The following CACNA1H variants were observed in gnomAD, a reference collection of about 807,000 sequenced individuals.
CACNA1H encodes the protein calcium voltage-gated channel subunit alpha1 H.
A neutral mutation model predicts 192.5 loss-of-function variants in CACNA1H; 149 were observed. The ratio of observed to expected loss-of-function variants is 0.77; its 90% confidence interval spans 0.68 to 0.89. The LOEUF (loss-of-function observed/expected upper bound fraction) is 0.89. Among genes scored for constraint, CACNA1H ranks in the 40% least tolerant of loss-of-function variants. CACNA1H has a pLI of 0.00. For synonymous variants in CACNA1H, 2,202 were observed against 1,475.2 expected (o/e 1.49, Z -11.29); for missense variants, 4,257 against 3,423.5 (o/e 1.24, Z -6.08).
chr16:1,207,242 G>A, intron 13 of CACNA1H, 33 bp from the exon 14 acceptor site: 1 of 1,579,696 alleles, frequency 6.3e-7, no homozygotes, highest in Non-Finnish European at 8.6e-7. Context: ...TCGGGGCTGG[G>A]GTGACCACCC....
chr16:1,186,290 C>T (rs1194762221), intron 2 of CACNA1H, among the ~76,000 whole-genome samples: 1 of 151,972 alleles, frequency 6.6e-6, no homozygotes, highest in Non-Finnish European at 1.5e-5. Context: ...CTCGAGGTGT[C>T]CCAGTGGGGC....
Position 1,210,631 on chromosome 16 carries a change from G to T in CACNA1H, c.4018G>T (p.Val1340Leu). 3 of 1,605,746 alleles carry T rather than the reference G, an allele frequency of 1.9e-6. No individual in the cohort carries two copies. Among genetic ancestry groups the T allele is most frequent in the Non-Finnish European group, 2.5e-6 (3 of 1,179,748 alleles). The change falls in exon 20 of 35, where the codon GTG (valine) becomes TTG (leucine). Residue 1340 changes from valine (V) to leucine (L), a missense_variant. Physicochemically the swap from Val to Leu is conservative, Grantham distance 32. Transcript: ENST00000348261. ...VSNYIFTAIF[V>L]AEMMVKVVAL... ...CAATTACATCTTCACGGCCATCTTC[G>T]TGGCGGAGATGATGGTGAAGGTACC...
intron 2 of CACNA1H, among the ~76,000 whole-genome samples, chr16:1,182,924 G>A (rs951985680): frequency 2.6e-5 from 4 of 152,036 alleles, no homozygotes; most frequent in African/African-American, 4.8e-5. Context: ...GTCAGGAGTC[G>A]GCCACAGGGT....
rs755534225 is a variant in CACNA1H at position 1,212,508 on chromosome 16, C to T, written c.4760-3C>T. On this transcript the variant is annotated splice_region_variant and splice_polypyrimidine_tract_variant and intron_variant, in intron 25 of 34. Transcript: ENST00000348261. The stretch of plus-strand genomic sequence containing the variant: ...CCCTCAGACCATCTCCTTGTCTTTC[C>T]AGGCACTTTCCCCAGCCCAGGTACC... 3 of 1,610,970 alleles carry T rather than the reference C, an allele frequency of 1.9e-6. No individual in the cohort carries two copies. Among genetic ancestry groups the T allele is most frequent in the Non-Finnish European group, 2.5e-6 (3 of 1,179,110 alleles).
In CACNA1H at chr16:1,167,916, G is replaced by A. The variant is rs1050037879; in HGVS notation, c.299+13880G>A. ...CAGTAAGCACTCGCCCCACCAGTGCGTGGAGCACGTGGGGCCTCAGGAGCC... is the reference window on the plus strand; with the variant it reads ...CAGTAAGCACTCGCCCCACCAGTGCATGGAGCACGTGGGGCCTCAGGAGCC... On this transcript the variant is annotated intron_variant, in intron 2 of 34. Transcript: ENST00000348261. This position sits in a 1 kb window ranked among gnomAD's most constrained non-coding sequence, Gnocchi z 4.2. Among the ~76,000 whole-genome samples the A allele has an allele frequency of 1.1e-4, 16 of 152,228 alleles. No homozygotes were observed. The highest frequency in any genetic ancestry group is 2.1e-4 in the South Asian group (1 of 4,836).
chr16:1,185,510 C>A (rs913004674), intron 2 of CACNA1H, among the ~76,000 whole-genome samples: 2 of 143,886 alleles, frequency 1.4e-5, no homozygotes, highest in East Asian at 4.1e-4. Flanking sequence ...GTCCCCCCCC[C>A]CGCCGAGTCT....
Position 1,215,506 on chromosome 16 carries a change from T to C in CACNA1H, c.5174-17T>C. 4 of 1,609,654 alleles carry C rather than the reference T, an allele frequency of 2.5e-6. No individual in the cohort carries two copies. Among genetic ancestry groups the C allele is most frequent in the Non-Finnish European group, 3.4e-6 (4 of 1,178,766 alleles). On this transcript the variant is annotated splice_polypyrimidine_tract_variant and intron_variant, in intron 29 of 34. Coordinates refer to ENST00000348261, the MANE Select transcript of CACNA1H (RefSeq NM_021098.3). ...AGGGTCCGCCCAGCCCTGCTGACGC[T>C]CAGCTCCCGGCCCTAGTGCTGAAGC...
intron 18 of CACNA1H, 99 bp from the exon 19 acceptor site, chr16:1,210,271 G>A (rs1969270436): frequency 1.6e-6 from 2 of 1,262,028 alleles, no homozygotes; most frequent in Admixed American, 2.0e-5. Context: ...CAGGGACCGG[G>A]GCTGAAGTGG....
At chr16:1,187,136 C>T (rs1475803476) in intron 2 of CACNA1H, among the ~76,000 whole-genome samples, 2 of 152,258 alleles carry the variant, frequency 1.3e-5, no homozygotes, top group African/African-American at 2.4e-5. Context: ...CCGGTGAATA[C>T]ACATAGGTCG....
rs762240161 is a variant in CACNA1H at position 1,205,102 on chromosome 16, C to T, written c.2452-12C>T. 8 of 1,608,386 alleles carry T rather than the reference C, an allele frequency of 5.0e-6. No individual in the cohort carries two copies. The highest frequency in any genetic ancestry group is 2.2e-5 in the South Asian group (2 of 90,748). Reference sequence around the variant, plus strand: ...GTGCGGCCTCCTGAACTGTCCCCACCTCTGCCTGCAGCCCGAGGAGCTGAC... The same window carrying T: ...GTGCGGCCTCCTGAACTGTCCCCACTTCTGCCTGCAGCCCGAGGAGCTGAC... On this transcript the variant is annotated splice_polypyrimidine_tract_variant and intron_variant, in intron 10 of 34. Transcript: ENST00000348261.
At chr16:1,181,405 C>T (rs909786715) in intron 2 of CACNA1H, among the ~76,000 whole-genome samples, 4 of 152,234 alleles carry the variant, frequency 2.6e-5, no homozygotes, top group Non-Finnish European at 4.4e-5. Context: ...CTTTGACGCC[C>T]GCGTCGGCCA....
chr16:1,162,387 G>A (rs1215008459), intron 2 of CACNA1H, among the ~76,000 whole-genome samples: 3 of 152,136 alleles, frequency 2.0e-5, no homozygotes, highest in East Asian at 1.9e-4. Context: ...CCCCCGGAGG[G>A]AGAAAAATGG....
At chr16:1,185,423 C>T (rs1333129968) in intron 2 of CACNA1H, among the ~76,000 whole-genome samples, 3 of 151,640 alleles carry the variant, frequency 2.0e-5, no homozygotes, top group East Asian at 1.9e-4. Flanking sequence ...GCCCGGGTGG[C>T]AGCTGGACTC....
At chr16:1,191,861 C>T (rs1291650989) in intron 2 of CACNA1H, among the ~76,000 whole-genome samples, 1 of 148,620 alleles carries the variant, frequency 6.7e-6, no homozygotes, top group Non-Finnish European at 1.5e-5. Context: ...CAGGCACACT[C>T]AGGGTTTTGG....
intron 2 of CACNA1H, among the ~76,000 whole-genome samples, chr16:1,183,525 G>A (rs763046498): frequency 1.6e-4 from 24 of 152,192 alleles, no homozygotes; most frequent in Non-Finnish European, 2.8e-4. Flanking sequence ...ATCCTGGATC[G>A]TGTGGCTGCC....
chr16:1,192,633 C>G (rs1966722738), intron 2 of CACNA1H, among the ~76,000 whole-genome samples: 1 of 152,168 alleles, frequency 6.6e-6, no homozygotes, highest in African/African-American at 2.4e-5. Context: ...TGGCTGGGGG[C>G]CAGCTGGGGT....
chr16:1,156,444 G>T (rs150559640), intron 2 of CACNA1H, among the ~76,000 whole-genome samples: 34 of 152,348 alleles, frequency 2.2e-4, no homozygotes, highest in African/African-American at 8.2e-4. Context: ...GGGGGGATTG[G>T]CTGAGCCGGG....
chr16:1,153,934 A>T lies in CACNA1H; in HGVS notation c.197A>T (p.Glu66Val). 6.9e-7 allele frequency: 1 copy of T among 1,456,170 alleles called. No individual in the cohort carries two copies. Among genetic ancestry groups the T allele is most frequent in the Non-Finnish European group, 9.0e-7 (1 of 1,104,984 alleles). 90.2% of individuals were successfully genotyped at this position (1,456,170 alleles called of 1,614,324 possible). ...AERGAELGAD[E>V]EQRVPYPALA... ...CGCGGCGCGGAGCTGGGTGCCGACG[A>T]GGAGCAGCGCGTCCCGTACCCGGCC... Residue 66 changes from glutamate to valine, a missense_variant, in exon 2 of 35, where the codon GAG (glutamate) becomes GTG (valine). Physicochemically the swap from Glu to Val is moderately radical, Grantham distance 121. Coordinates refer to ENST00000348261, the MANE Select transcript of CACNA1H (RefSeq NM_021098.3).
chr16:1,177,956 G>A (rs373504721), intron 2 of CACNA1H, among the ~76,000 whole-genome samples: 1 of 151,432 alleles, frequency 6.6e-6, no homozygotes, highest in African/African-American at 2.4e-5. Context: ...TGCGGGCACC[G>A]CCCTTTCTCC....
Sources: gnomAD v4.1 joint callset for allele counts (sites outside exome capture counted in the v4.1 genomes callset) on GRCh38, gnomAD v4.1.1 for gene constraint, Gnocchi (gnomAD v3.1) non-coding constraint, MANE v1.5 for transcripts, NCBI Gene and HGNC (gene_info 2026-07-23, HGNC 2026-07-21) for gene names.